RGS7: variants seen among roughly 807,000 people sequenced by gnomAD.
The protein encoded by RGS7 is regulator of G-protein signaling 7.
RGS7 carries 27 observed loss-of-function variants against 81.1 expected under a neutral mutation model. The ratio of observed to expected loss-of-function variants is 0.33; its 90% CI spans 0.25 to 0.46. RGS7 has a LOEUF of 0.46. RGS7 is among the 20% of genes least tolerant of loss of function. The pLI, the probability that RGS7 is intolerant of heterozygous loss-of-function variation, is 1.00. For synonymous variants in RGS7, 208 were observed against 207.7 expected, an observed-to-expected ratio of 1.00 and a Z score of -0.01; for missense variants, 396 against 607.4, an observed-to-expected ratio of 0.65 and a Z score of 3.66.
intron 3 of RGS7, among the ~76,000 whole-genome samples, chr1:241,072,681 G>C (rs2062546367): frequency 6.6e-6 from 1 of 152,152 alleles, no homozygotes; most frequent in Admixed American, 6.5e-5. Context: ...GGTTACTGAA[G>C]CTGAATCAAT....
At chr1:241,106,845 A>G (rs1376811364) in intron 2 of RGS7, among the ~76,000 whole-genome samples, 2 of 147,944 alleles carry the variant, frequency 1.4e-5, no homozygotes, top group East Asian at 4.0e-4. Flanking sequence ...TCCTTTTGTG[A>G]TTTTGCAGAA....
intron 3 of RGS7, among the ~76,000 whole-genome samples, chr1:241,094,755 C>T (rs1027320914): frequency 6.6e-6 from 1 of 152,156 alleles, no homozygotes; most frequent in Non-Finnish European, 1.5e-5. Flanking sequence ...TGATCTGGGT[C>T]TGGATTGCAG....
chr1:240,971,846 T>A (rs1033713753), intron 4 of RGS7, among the ~76,000 whole-genome samples: 1 of 152,170 alleles, frequency 6.6e-6, no homozygotes, highest in Non-Finnish European at 1.5e-5. Context: ...ACATGACAGC[T>A]TGCTCAGTGG....
chr1:241,048,312 C>T (rs533315833), intron 3 of RGS7, among the ~76,000 whole-genome samples: 2 of 152,222 alleles, frequency 1.3e-5, no homozygotes, highest in Non-Finnish European at 2.9e-5. Flanking sequence ...AAGTTCAATA[C>T]CAAATCTTAT....
At chr1:241,196,796 A>G (rs1476366288) in intron 2 of RGS7, among the ~76,000 whole-genome samples, 1 of 152,026 alleles carries the variant, frequency 6.6e-6, no homozygotes, top group Non-Finnish European at 1.5e-5. Flanking sequence ...AAATGAGGCT[A>G]AAGTGTATTC....
chr1:241,259,667 A>AAAAAAAAAAAAAAAATATATATAT, intron 2 of RGS7, among the ~76,000 whole-genome samples: 2 of 49,146 alleles, frequency 4.1e-5, no homozygotes, highest in African/African-American at 7.9e-5. Flanking sequence ...AAAAAAAAAA[A>AAAAAAAAAAAAAAAATATATATAT]ATATATATAT....
chr1:240,960,232 T>TTTTG (rs71172665), intron 4 of RGS7, among the ~76,000 whole-genome samples: 1 of 70,182 alleles, frequency 1.4e-5, no homozygotes, highest in Non-Finnish European at 3.1e-5. Context: ...TTTTTTTTTT[T>TTTTG]TTGTTGTTGT....
intron 3 of RGS7, among the ~76,000 whole-genome samples, chr1:241,054,281 G>C (rs2061381963): frequency 6.6e-6 from 1 of 152,180 alleles, no homozygotes; most frequent in African/African-American, 2.4e-5. Context: ...GAGTCAGAGG[G>C]AGCTACACTG....
intron 2 of RGS7, among the ~76,000 whole-genome samples, chr1:241,254,405 AT>A (rs1294645587): frequency 1.3e-5 from 2 of 152,074 alleles, no homozygotes; most frequent in African/African-American, 4.8e-5. Context: ...AACAAAATTT[AT>A]TTTTCACGGT....
intron 6 of RGS7, among the ~76,000 whole-genome samples, chr1:240,902,473 G>A (rs1294707552): frequency 1.3e-5 from 2 of 152,022 alleles, no homozygotes; most frequent in East Asian, 3.9e-4. Flanking sequence ...GAAATTTTAG[G>A]ACATGATTAT....
intron 15 of RGS7, among the ~76,000 whole-genome samples, chr1:240,805,614 T>C (rs1026738943): frequency 1.3e-5 from 2 of 152,170 alleles, no homozygotes; most frequent in African/African-American, 4.8e-5. Context: ...CTTGAAAATT[T>C]AAGAAATGTC....
intron 3 of RGS7, among the ~76,000 whole-genome samples, chr1:240,990,843 C>G (rs1004030799): frequency 6.6e-6 from 1 of 152,152 alleles, no homozygotes; most frequent in Non-Finnish European, 1.5e-5. Flanking sequence ...CATTTGCCTA[C>G]GAGACTTTAA....
At chr1:241,235,606 T>TC in intron 2 of RGS7, among the ~76,000 whole-genome samples, 2 of 27,810 alleles carry the variant, frequency 7.2e-5, no homozygotes, top group Non-Finnish European at 1.6e-4. Flanking sequence ...CCTTTATTTT[T>TC]CTTTCTTCCT....
At chr1:241,218,240 A>C (rs2074690139) in intron 2 of RGS7, among the ~76,000 whole-genome samples, 2 of 152,180 alleles carry the variant, frequency 1.3e-5, no homozygotes, top group Non-Finnish European at 2.9e-5. Flanking sequence ...AATGGAATTT[A>C]ATATGTAAAA....
intron 13 of RGS7, among the ~76,000 whole-genome samples, chr1:240,812,468 C>G (rs970217208): frequency 1.3e-4 from 19 of 146,110 alleles, no homozygotes; most frequent in Admixed American, 3.5e-4. Context: ...GAGTTTTGCT[C>G]TTGTCACCCA....
At chr1:241,237,693 G>A (rs1054260873) in intron 2 of RGS7, among the ~76,000 whole-genome samples, 9 of 152,130 alleles carry the variant, frequency 5.9e-5, no homozygotes, top group Non-Finnish European at 1.2e-4. Context: ...AGAAAGGGGC[G>A]TGGCCAGGGA....
At chr1:241,330,781 G>A (rs1347988017) in intron 2 of RGS7, among the ~76,000 whole-genome samples, 4 of 152,156 alleles carry the variant, frequency 2.6e-5, no homozygotes, top group Non-Finnish European at 5.9e-5. Flanking sequence ...GACTCCAACA[G>A]CAGGGAGGGA....
chr1:241,312,313 C>A (rs1473138450), intron 2 of RGS7, among the ~76,000 whole-genome samples: 1 of 152,196 alleles, frequency 6.6e-6, no homozygotes. Context: ...CACATTGATA[C>A]ATATACAGGC....
At chr1:241,066,259 A>G (rs1322378133) in intron 3 of RGS7, among the ~76,000 whole-genome samples, 1 of 152,188 alleles carries the variant, frequency 6.6e-6, no homozygotes. Context: ...GAGCAATCAG[A>G]AATGTGTGCT....
Sources: gnomAD v4.1 joint callset for allele counts (sites outside exome capture counted in the v4.1 genomes callset) on GRCh38, gnomAD v4.1.1 for gene constraint, MANE v1.5 for transcripts, NCBI Gene and HGNC (gene_info 2026-07-23, HGNC 2026-07-21) for gene names.